Variants in CNOT1 observed in about 807,000 individuals in gnomAD.
The protein encoded by CNOT1 is CCR4-NOT transcription complex subunit 1.
A neutral mutation model predicts 273.8 loss-of-function variants in CNOT1; 15 were observed. The observed-to-expected ratio is 0.05, with a 90% CI of 0.04 to 0.08. CNOT1 has a LOEUF of 0.08. Ranked by LOEUF, CNOT1 falls within the 10% of genes least tolerant of loss-of-function variation. The pLI is 1.00. For synonymous variants in CNOT1, 1,022 were observed against 1,005.5 expected, an observed-to-expected ratio of 1.02 and a Z score of -0.31; for missense variants, 1,644 against 2,912.2, an observed-to-expected ratio of 0.56 and a Z score of 10.02.
At chr16:58,571,397 A>T (rs2041268718) in intron 16 of CNOT1, among the ~76,000 whole-genome samples, 1 of 151,964 alleles carries the variant, frequency 6.6e-6, no homozygotes, top group African/African-American at 2.4e-5. Context: ...CTGTACTAAA[A>T]GTACAAAAAA....
At chr16:58,585,167 A>G (rs1377327609) in intron 8 of CNOT1, among the ~76,000 whole-genome samples, 171 bp downstream of exon 8, 1 of 152,216 alleles carries the variant, frequency 6.6e-6, no homozygotes, top group African/African-American at 2.4e-5. Context: ...TTTAACACCC[A>G]GGATGTTTAC....
intron 34 of CNOT1, 82 bp downstream of exon 34, chr16:58,541,419 A>G (rs2040093136): frequency 6.4e-7 from 1 of 1,553,072 alleles, no homozygotes. Context: ...TCTCCCAGGA[A>G]GCAAGTCAAA....
chr16:58,587,802 T>C lies in CNOT1; in HGVS notation c.287A>G (p.Asp96Gly), dbSNP rs751892212. 6 of 1,613,942 alleles carry C rather than the reference T, an allele frequency of 3.7e-6. No homozygotes were observed. Among genetic ancestry groups the C allele is most frequent in the Non-Finnish European group, 5.1e-6 (6 of 1,180,006 alleles). The change falls in exon 4 of 49, where the codon GAT (aspartate) becomes GGT (glycine). Residue 96 changes from aspartate (D) to glycine (G), a missense_variant. By Grantham distance (94) the Asp-to-Gly change is moderately conservative (BLOSUM62 -1). Coordinates refer to ENST00000317147, the MANE Select transcript of CNOT1 (RefSeq NM_016284.5). ...NFISTLSYAI[D>G]NPLHYQKSLK... ...AACCTTCTGATAGTGCAATGGATTA[T>C]CAATGGCATAGGACAGCGTCGAGAT...
In CNOT1 at chr16:58,597,940, C is replaced by T. The variant is rs533748859; in HGVS notation, c.102+1296G>A. ...TCATGAAAAACCCAGACATGAAGTT[C>T]GTTGGGGAGCCATCCCCAACCCTGT... On this transcript the variant is annotated intron_variant, in intron 2 of 48. Transcript: ENST00000317147. 50 of 245,778 alleles carry T rather than the reference C, an allele frequency of 2.0e-4. No individual in the cohort carries two copies. In the Admixed American group the frequency reaches 2.1e-3, roughly 10 times the overall value. 15.2% of individuals were successfully genotyped at this position (245,778 alleles called of 1,614,324 possible).
At chr16:58,611,616 T>C (rs1234701798) in intron 1 of CNOT1, among the ~76,000 whole-genome samples, 1 of 151,968 alleles carries the variant, frequency 6.6e-6, no homozygotes, top group African/African-American at 2.4e-5. Context: ...AGGTCAGAAG[T>C]TCGAGACCAG....
Position 58,547,528 on chromosome 16 carries a change from G to C in CNOT1, c.3639+38C>G. 6.3e-7 allele frequency: 1 copy of C among 1,585,154 alleles called. No individual in the cohort carries two copies. The highest frequency in any genetic ancestry group is 8.6e-7 in the Non-Finnish European group (1 of 1,163,528). On this transcript the variant is annotated intron_variant, in intron 26 of 48. Transcript: ENST00000317147. This position sits in a 1 kb window ranked among gnomAD's most constrained non-coding sequence, Gnocchi z 4.0. ...CCAATACTTGTAATCATAATGTGCTGAAGATTCTCAATTTTTACACATTTA... is the reference window on the plus strand; with the variant it reads ...CCAATACTTGTAATCATAATGTGCTCAAGATTCTCAATTTTTACACATTTA...
At chr16:58,521,076 T>G in intron 48 of CNOT1, 40 bp from the exon 49 acceptor site, 1 of 1,613,760 alleles carries the variant, frequency 6.2e-7, no homozygotes, top group Non-Finnish European at 8.5e-7. Flanking sequence ...GATTAAAGAG[T>G]AGGCCTAACA....
intron 47 of CNOT1, among the ~76,000 whole-genome samples, chr16:58,522,558 G>A (rs2039438772): frequency 1.3e-5 from 2 of 151,970 alleles, no homozygotes; most frequent in South Asian, 2.1e-4. Flanking sequence ...TTTTTAAAGT[G>A]TGTGTGTGTG....
chr16:58,602,791 A>G (rs1236043029), intron 1 of CNOT1, among the ~76,000 whole-genome samples: 1 of 151,930 alleles, frequency 6.6e-6, no homozygotes, highest in Admixed American at 6.6e-5. Flanking sequence ...ATCTATACCA[A>G]TAACTCTCTC....
intron 16 of CNOT1, 96 bp downstream of exon 16, chr16:58,574,513 C>T (rs1597488817): frequency 4.1e-6 from 5 of 1,226,978 alleles, no homozygotes; most frequent in Non-Finnish European, 5.6e-6. Flanking sequence ...CCATTTTAAA[C>T]TGCTGTCACT....
chr16:58,587,747 G>A (rs2041922923), intron 4 of CNOT1, 33 bp downstream of exon 4: 13 of 1,603,716 alleles, frequency 8.1e-6, no homozygotes, highest in Non-Finnish European at 1.1e-5. Flanking sequence ...CCTAAGGAGA[G>A]ATCACACTCT....
At chr16:58,588,955 A>C (rs1043394085) in intron 2 of CNOT1, 49 bp from the exon 3 acceptor site, 2 of 1,510,722 alleles carry the variant, frequency 1.3e-6, no homozygotes, top group Admixed American at 2.5e-5. Context: ...TAAAACAAAA[A>C]AAAAAAGTAA....
intron 9 of CNOT1, 75 bp from the exon 10 acceptor site, chr16:58,582,978 C>A: frequency 6.2e-7 from 1 of 1,608,348 alleles, no homozygotes; most frequent in Non-Finnish European, 8.5e-7. Context: ...AACAATCAAT[C>A]ATACTGTAAT....
At chr16:58,625,571 C>A (rs1264648302) in intron 1 of CNOT1, among the ~76,000 whole-genome samples, 2 of 151,534 alleles carry the variant, frequency 1.3e-5, no homozygotes, top group Non-Finnish European at 2.9e-5. Context: ...GTAATCCCAG[C>A]TACTTGGGAA....
At chr16:58,579,000 C>T (rs1053816975) in intron 12 of CNOT1, 61 bp from the exon 13 acceptor site, 1 of 1,571,760 alleles carries the variant, frequency 6.4e-7, no homozygotes, top group Non-Finnish European at 8.6e-7. Context: ...GATTAATTTT[C>T]AAAATAAGTG....
intron 31 of CNOT1, chr16:58,543,204 T>C: frequency 6.6e-7 from 1 of 1,505,684 alleles, no homozygotes; most frequent in Non-Finnish European, 8.9e-7. Flanking sequence ...GACTCAAAAC[T>C]AGTAAGTGAA....
At position 58,558,624 on chromosome 16, in the gene CNOT1, G is replaced by C. The variant is rs2040719316; in HGVS notation, c.2181C>G (p.Ala727=). 6.2e-7 allele frequency: 1 copy of C among 1,613,356 alleles called. No homozygotes were observed. Among genetic ancestry groups the C allele is most frequent in the African/African-American group, 1.3e-5 (1 of 74,968 alleles). The change falls in exon 18 of 49, where the codon GCC becomes GCG. Residue 727 remains alanine (A), a synonymous_variant. Coordinates refer to ENST00000317147, the MANE Select transcript of CNOT1 (RefSeq NM_016284.5). ...AACCCTGCATACTCTGGGTGTGAGG[G>C]GCAGCTGAACCACCTATACTAAGAG... ...MTSLSIGGSA[A]PHTQSMQGFP... is the part of the protein sequence containing the mutation.
Position 58,599,253 on chromosome 16 carries a change from G to C in CNOT1, c.85C>G (p.Gln29Glu). 6.2e-7 allele frequency: 1 copy of C among 1,614,062 alleles called. No homozygotes were observed. The highest frequency in any genetic ancestry group is 8.5e-7 in the Non-Finnish European group (1 of 1,180,012). Reference sequence around the variant, plus strand: ...TTACTTACATGCTGTATTTCCTGCTGGCTGGCTCGGTAATTTTTCTTGGTT... The same window carrying C: ...TTACTTACATGCTGTATTTCCTGCTCGCTGGCTCGGTAATTTTTCTTGGTT... ...NLTKKNYRAS[Q>E]QEIQHIVNRH... Residue 29 changes from glutamine (Q) to glutamate (E), a missense_variant, in exon 2 of 49, where the codon CAG (glutamine) becomes GAG (glutamate). By Grantham distance (29) the Gln-to-Glu change is conservative (BLOSUM62 2). Coordinates refer to ENST00000317147, the MANE Select transcript of CNOT1 (RefSeq NM_016284.5).
intron 16 of CNOT1, among the ~76,000 whole-genome samples, chr16:58,566,825 G>A (rs1203723295): frequency 6.6e-6 from 1 of 152,088 alleles, no homozygotes; most frequent in African/African-American, 2.4e-5. Context: ...GTAGCGATGG[G>A]ATTTCTCCAT....
Sources: gnomAD v4.1 joint callset for allele counts (sites outside exome capture counted in the v4.1 genomes callset) on GRCh38, gnomAD v4.1.1 for gene constraint, Gnocchi (gnomAD v3.1) non-coding constraint, MANE v1.5 for transcripts, NCBI Gene and HGNC (gene_info 2026-07-23, HGNC 2026-07-21) for gene names.